ROBO2: variants seen among roughly 807,000 people sequenced by gnomAD.
ROBO2 encodes the protein roundabout guidance receptor 2.
In ROBO2, 53 loss-of-function variants were observed where a neutral mutation model predicts 160.8. The observed-to-expected ratio is 0.33, with a 90% CI of 0.26 to 0.41. The LOEUF (loss-of-function observed/expected upper bound fraction) is 0.41. Ranked by LOEUF, ROBO2 falls within the 10% of genes least tolerant of loss-of-function variation. The pLI, the probability that ROBO2 is intolerant of heterozygous loss-of-function variation, is 1.00. For missense variants in ROBO2, 1,577 were observed against 1,722.4 expected (o/e 0.92, Z 1.49); for synonymous variants, 664 against 611.7 (o/e 1.09, Z -1.26).
intron 2 of ROBO2, among the ~76,000 whole-genome samples, chr3:76,785,530 C>T (rs745421650): frequency 3.3e-5 from 5 of 151,110 alleles, no homozygotes; most frequent in Non-Finnish European, 7.4e-5. Flanking sequence ...TGTTGTAGTG[C>T]TATGGCAATG....
chr3:77,260,810 C>T (rs1053936490), intron 2 of ROBO2, among the ~76,000 whole-genome samples: 4 of 152,158 alleles, frequency 2.6e-5, no homozygotes, highest in African/African-American at 4.8e-5. Context: ...GATTGTGCGA[C>T]GTCCCTATTT....
chr3:76,597,292 T>G (rs769356175), intron 2 of ROBO2, among the ~76,000 whole-genome samples: 17 of 152,034 alleles, frequency 1.1e-4, no homozygotes, highest in Non-Finnish European at 1.6e-4. Flanking sequence ...TTTTACTCTG[T>G]AAAAGCCGTG....
chr3:77,627,185 T>G (rs2095045622), intron 23 of ROBO2, among the ~76,000 whole-genome samples: 1 of 152,194 alleles, frequency 6.6e-6, no homozygotes, highest in Non-Finnish European at 1.5e-5. Flanking sequence ...GTAATTTTTA[T>G]CTGAGTGAAA....
chr3:77,558,451 T>C (rs1490229725), intron 9 of ROBO2, among the ~76,000 whole-genome samples: 1 of 152,024 alleles, frequency 6.6e-6, no homozygotes, highest in African/African-American at 2.4e-5. Context: ...AGTAGTAGGG[T>C]ATTGGAAATG....
In ROBO2 at chr3:77,562,646, A is replaced by G; in HGVS notation, c.1438-5A>G. On this transcript the variant is annotated splice_region_variant and splice_polypyrimidine_tract_variant and intron_variant, in intron 9 of 25. Transcript: ENST00000461745. ...ATTTAATTCTCTCCCTTCTGTGCAC[A>G]CTAGATTTCTGATACTGGCACTTAT... 1 of 1,607,410 alleles carries G rather than the reference A, an allele frequency of 6.2e-7. No homozygotes were observed. The highest frequency in any genetic ancestry group is 1.3e-5 in the African/African-American group (1 of 74,826).
chr3:76,084,611 G>A (rs1333037783), intron 2 of ROBO2, among the ~76,000 whole-genome samples: 2 of 152,080 alleles, frequency 1.3e-5, no homozygotes, highest in African/African-American at 2.4e-5. Flanking sequence ...CTACATATTA[G>A]GATTTCCATT....
intron 2 of ROBO2, among the ~76,000 whole-genome samples, chr3:76,636,613 G>A (rs755586260): frequency 1.3e-5 from 2 of 152,100 alleles, no homozygotes; most frequent in Non-Finnish European, 2.9e-5. Flanking sequence ...CACACAGGGT[G>A]CAAGTCTTTG....
Position 77,596,858 on chromosome 3 carries a change from A to G in ROBO2, c.2854+108A>G, listed in dbSNP as rs1296638037. The G allele has an allele frequency of 7.0e-6, 9 of 1,287,112 alleles. No individual in the cohort carries two copies. In the Admixed American group the frequency reaches 1.8e-4, roughly 25 times the overall value. The allele number at this position is 1,287,112 out of a possible 1,614,324, so 79.7% of individuals were successfully genotyped here. On this transcript the variant is annotated intron_variant, in intron 19 of 25. Transcript: ENST00000461745. ...AACATATCAGAGAGTATTTACTCCC[A>G]TAATTAAAATCAATGAAACATATGC...
At chr3:76,175,143 C>T (rs565584404) in intron 2 of ROBO2, among the ~76,000 whole-genome samples, 1 of 152,134 alleles carries the variant, frequency 6.6e-6, no homozygotes, top group East Asian at 1.9e-4. Context: ...GGAGTTCACT[C>T]ATGATATGGC....
chr3:76,272,960 ATT>A (rs377541727), intron 2 of ROBO2, among the ~76,000 whole-genome samples: 1 of 52,270 alleles, frequency 1.9e-5, no homozygotes, highest in Non-Finnish European at 3.4e-5. Flanking sequence ...TATAATATAT[ATT>A]TATATATAAA....
intron 2 of ROBO2, among the ~76,000 whole-genome samples, chr3:77,235,171 C>T (rs944834826): frequency 5.3e-5 from 8 of 151,966 alleles, no homozygotes; most frequent in African/African-American, 1.9e-4. Flanking sequence ...AAACAATATT[C>T]GATAACCTTT....
At chr3:77,182,414 A>G (rs1009302011) in intron 2 of ROBO2, among the ~76,000 whole-genome samples, 1 of 152,130 alleles carries the variant, frequency 6.6e-6, no homozygotes, top group African/African-American at 2.4e-5. Context: ...TGTAGAGTAC[A>G]GTGTGATCAG....
At chr3:77,313,782 C>T (rs958591225) in intron 2 of ROBO2, among the ~76,000 whole-genome samples, 19 of 152,128 alleles carry the variant, frequency 1.2e-4, no homozygotes, top group Admixed American at 4.6e-4. Context: ...TGGGGTTTCT[C>T]CACATTGATC....
intron 2 of ROBO2, among the ~76,000 whole-genome samples, chr3:76,634,540 C>T (rs1308040054): frequency 6.6e-6 from 1 of 151,454 alleles, no homozygotes; most frequent in East Asian, 1.9e-4. Context: ...TGCACTCCAG[C>T]CTGGGCAACA....
chr3:77,423,096 T>G (rs1293553805), intron 2 of ROBO2, among the ~76,000 whole-genome samples: 1 of 152,142 alleles, frequency 6.6e-6, no homozygotes, highest in Non-Finnish European at 1.5e-5. Flanking sequence ...AATAACTATT[T>G]TTTCCCCACA....
chr3:76,483,304 G>A (rs1321661842), intron 2 of ROBO2, among the ~76,000 whole-genome samples: 1 of 117,986 alleles, frequency 8.5e-6, no homozygotes, highest in East Asian at 2.7e-4. Flanking sequence ...CATGTTAACT[G>A]TCATTATTTT....
chr3:77,339,364 A>C (rs2066823373), intron 2 of ROBO2, among the ~76,000 whole-genome samples: 2 of 152,098 alleles, frequency 1.3e-5, no homozygotes, highest in Admixed American at 1.3e-4. Context: ...TGATAAAGAA[A>C]AGTGTGGTGA....
At chr3:76,478,680 GT>G (rs1042265916) in intron 2 of ROBO2, among the ~76,000 whole-genome samples, 10,280 of 120,740 alleles carry the variant, frequency 0.085, 408 homozygotes, top group African/African-American at 0.21. Context: ...TTTTTTCTCT[GT>G]TTTTTTTTTT....
At chr3:77,050,155 G>A (rs2065072475) in intron 1 of ROBO2, among the ~76,000 whole-genome samples, 1 of 152,106 alleles carries the variant, frequency 6.6e-6, no homozygotes, top group African/African-American at 2.4e-5. Flanking sequence ...AATGAATCTA[G>A]CAACAGGCAC....
Sources: gnomAD v4.1 joint callset for allele counts (sites outside exome capture counted in the v4.1 genomes callset) on GRCh38, gnomAD v4.1.1 for gene constraint, MANE v1.5 for transcripts, NCBI Gene and HGNC (gene_info 2026-07-23, HGNC 2026-07-21) for gene names.